WWOX: variants seen among roughly 807,000 people sequenced by gnomAD.
The protein encoded by WWOX is WW domain containing oxidoreductase.
A neutral mutation model predicts 46.2 loss-of-function variants in WWOX; 69 were observed. The ratio of observed to expected loss-of-function variants is 1.49; its 90% CI spans 1.23 to 1.82. WWOX has a LOEUF of 1.82. Ranked by LOEUF, WWOX falls within the 40% of genes most tolerant of loss-of-function variation. The pLI is 0.00. For missense variants in WWOX, 919 were observed against 542.6 expected, an observed-to-expected ratio of 1.69 and a Z score of -6.89; for synonymous variants, 359 against 202.6, an observed-to-expected ratio of 1.77 and a Z score of -6.56.
At chr16:79,000,057 C>G (rs142258278) in intron 8 of WWOX, among the ~76,000 whole-genome samples, 2 of 152,244 alleles carry the variant, frequency 1.3e-5, no homozygotes, top group Admixed American at 6.5e-5. Context: ...GAAAGGGTCT[C>G]TTCAGGCTCC....
chr16:78,448,243 A>G (rs980831733), intron 8 of WWOX, among the ~76,000 whole-genome samples: 1 of 152,190 alleles, frequency 6.6e-6, no homozygotes, highest in Non-Finnish European at 1.5e-5. Context: ...GAGCACAGTA[A>G]TGCATAACGG....
At chr16:78,730,703 T>C (rs1227308889) in intron 8 of WWOX, among the ~76,000 whole-genome samples, 6 of 148,334 alleles carry the variant, frequency 4.0e-5, no homozygotes, top group Non-Finnish European at 5.9e-5. Flanking sequence ...CAAGCGATAC[T>C]CCCTCCTTAT....
chr16:78,768,504 C>T (rs548523129), intron 8 of WWOX, among the ~76,000 whole-genome samples: 72 of 151,586 alleles, frequency 4.7e-4, no homozygotes, highest in Middle Eastern at 3.4e-3. Flanking sequence ...AGTGGAAAAT[C>T]ACTTGAACTT....
At chr16:78,885,012 C>T (rs961067458) in intron 8 of WWOX, among the ~76,000 whole-genome samples, 11 of 152,182 alleles carry the variant, frequency 7.2e-5, no homozygotes, top group Admixed American at 3.3e-4. Flanking sequence ...TGTCACTGGG[C>T]AGTTGTTTCT....
intron 8 of WWOX, among the ~76,000 whole-genome samples, chr16:78,529,228 T>G (rs1414040037): frequency 2.0e-5 from 3 of 152,110 alleles, no homozygotes; most frequent in East Asian, 1.9e-4. Flanking sequence ...ATGCCGAGAT[T>G]ATGGGTATGA....
intron 5 of WWOX, among the ~76,000 whole-genome samples, chr16:78,246,095 C>T (rs1477912360): frequency 1.3e-5 from 2 of 152,162 alleles, no homozygotes; most frequent in Non-Finnish European, 2.9e-5. Context: ...TCCCGCTCCC[C>T]ACCCCTTTCT....
intron 8 of WWOX, among the ~76,000 whole-genome samples, chr16:78,579,490 G>T (rs1371029594): frequency 6.6e-6 from 1 of 152,076 alleles, no homozygotes; most frequent in Non-Finnish European, 1.5e-5. Flanking sequence ...ATAAACCAGG[G>T]GGTAGGAAAC....
intron 8 of WWOX, among the ~76,000 whole-genome samples, chr16:79,073,390 G>A (rs1449323305): frequency 6.6e-6 from 1 of 151,988 alleles, no homozygotes; most frequent in Non-Finnish European, 1.5e-5. Context: ...ATGTTGGCCA[G>A]GCTGGTCTCA....
At chr16:78,643,910 T>C (rs1216390482) in intron 8 of WWOX, among the ~76,000 whole-genome samples, 1 of 151,792 alleles carries the variant, frequency 6.6e-6, no homozygotes, top group African/African-American at 2.4e-5. Context: ...TTGATGATAC[T>C]TTATTAAAAC....
At chr16:78,687,550 G>A (rs1448125510) in intron 8 of WWOX, among the ~76,000 whole-genome samples, 2 of 152,074 alleles carry the variant, frequency 1.3e-5, no homozygotes, top group Non-Finnish European at 2.9e-5. Flanking sequence ...ATCGGAATAC[G>A]CAGACATATA....
chr16:78,107,110 T>G (rs1260818643), intron 1 of WWOX, among the ~76,000 whole-genome samples: 21 of 152,166 alleles, frequency 1.4e-4, no homozygotes, highest in Admixed American at 1.2e-3. Context: ...GGAAAGAATG[T>G]TCACATCTTA....
At chr16:78,640,063 T>G (rs566734919) in intron 8 of WWOX, among the ~76,000 whole-genome samples, 336 of 152,140 alleles carry the variant, frequency 2.2e-3, no homozygotes, top group Middle Eastern at 6.8e-3. Context: ...GGCAGATTCA[T>G]TTTCTTTAAA....
chr16:78,780,686 CAGTCT>C (rs2050303632), intron 8 of WWOX, among the ~76,000 whole-genome samples: 1 of 152,120 alleles, frequency 6.6e-6, no homozygotes. Flanking sequence ...TGGGGGAGAA[CAGTCT>C]AGGCAAGGTG....
At chr16:79,141,283 G>A (rs116497593) in intron 8 of WWOX, among the ~76,000 whole-genome samples, 5,629 of 152,230 alleles carry the variant, frequency 0.037, 112 homozygotes, top group South Asian at 0.045. Context: ...TTTCCAGACC[G>A]AACGAGTGTT....
chr16:79,095,686 A>T (rs1002563929), intron 8 of WWOX, among the ~76,000 whole-genome samples: 5 of 152,074 alleles, frequency 3.3e-5, no homozygotes, highest in Admixed American at 2.6e-4. Flanking sequence ...TATTTGTCAC[A>T]TGTGTTCTGT....
At chr16:78,766,436 A>T (rs1488253385) in intron 8 of WWOX, among the ~76,000 whole-genome samples, 1 of 152,164 alleles carries the variant, frequency 6.6e-6, no homozygotes, top group Non-Finnish European at 1.5e-5. Context: ...GTCTTAAAAA[A>T]ATTTAGCCGG....
intron 8 of WWOX, among the ~76,000 whole-genome samples, chr16:79,048,464 T>C (rs1567513685): frequency 6.6e-6 from 1 of 152,140 alleles, no homozygotes; most frequent in Non-Finnish European, 1.5e-5. Context: ...GTGTGTCTAT[T>C]ATGAGCTCTC....
At chr16:79,187,701 C>T (rs2005476) in intron 8 of WWOX, among the ~76,000 whole-genome samples, 1 of 152,182 alleles carries the variant, frequency 6.6e-6, no homozygotes, top group African/African-American at 2.4e-5. Flanking sequence ...GCCACCATGC[C>T]TGGCTAATTT....
At chr16:78,103,760 A>G (rs538963425) in intron 1 of WWOX, among the ~76,000 whole-genome samples, 2 of 151,424 alleles carry the variant, frequency 1.3e-5, no homozygotes, top group East Asian at 3.9e-4. Flanking sequence ...TCTTTTCCAT[A>G]TTGTTTCTCC....
Sources: allele counts gnomAD v4.1 joint callset (sites outside exome capture counted in the v4.1 genomes callset), GRCh38; gene constraint gnomAD v4.1.1; transcripts MANE v1.5; gene names NCBI Gene and HGNC (gene_info 2026-07-23, HGNC 2026-07-21).